GABRB2: variants seen among roughly 807,000 people sequenced by gnomAD.
GABRB2 encodes gamma-aminobutyric acid receptor subunit beta-2.
In GABRB2, 16 loss-of-function variants were observed where a neutral mutation model predicts 54.7. That is an observed-to-expected ratio of 0.29 (90% CI 0.20 to 0.44). The LOEUF (loss-of-function observed/expected upper bound fraction) is 0.44. Ranked by LOEUF, GABRB2 falls within the 20% of genes least tolerant of loss-of-function variation. The probability of loss-of-function intolerance (pLI) is 1.00; values close to 1 mark genes in which losing one functional copy is unlikely to be tolerated. For synonymous variants in GABRB2, 244 were observed against 233.8 expected, an observed-to-expected ratio of 1.04 and a Z score of -0.40; for missense variants, 355 against 644.0, an observed-to-expected ratio of 0.55 and a Z score of 4.86.
intron 3 of GABRB2, among the ~76,000 whole-genome samples, chr5:161,501,998 C>T (rs1011508414): frequency 6.8e-6 from 1 of 147,994 alleles, no homozygotes; most frequent in Non-Finnish European, 1.5e-5. Flanking sequence ...ATTATAATTA[C>T]TTCATGAATT....
At chr5:161,542,260 C>T (rs927119487) in intron 3 of GABRB2, among the ~76,000 whole-genome samples, 5 of 152,010 alleles carry the variant, frequency 3.3e-5, no homozygotes, top group Admixed American at 2.6e-4. Context: ...TGATAATTAC[C>T]AAAATGTGAC....
intron 5 of GABRB2, among the ~76,000 whole-genome samples, chr5:161,402,273 A>G (rs1402689032): frequency 6.6e-6 from 1 of 152,116 alleles, no homozygotes; most frequent in Non-Finnish European, 1.5e-5. Context: ...TGCAAATTAT[A>G]TTCTAAAGAA....
intron 9 of GABRB2, among the ~76,000 whole-genome samples, chr5:161,308,239 G>A (rs1757758816): frequency 6.6e-6 from 1 of 152,158 alleles, no homozygotes; most frequent in African/African-American, 2.4e-5. Context: ...TGTGACAATA[G>A]TTGAGACTGA....
At chr5:161,421,282 T>C (rs564871780) in intron 4 of GABRB2, among the ~76,000 whole-genome samples, 56 of 152,282 alleles carry the variant, frequency 3.7e-4, no homozygotes, top group African/African-American at 1.1e-3. Context: ...TGCTACATGA[T>C]GCAAGCTCCA....
chr5:161,421,867 A>G (rs1756864330), intron 4 of GABRB2, among the ~76,000 whole-genome samples: 1 of 152,238 alleles, frequency 6.6e-6, no homozygotes, highest in African/African-American at 2.4e-5. Context: ...AACATAAAAT[A>G]AAATAAATAT....
chr5:161,546,143 G>C (rs182239027), intron 2 of GABRB2, among the ~76,000 whole-genome samples, 179 bp downstream of exon 2: 8 of 152,334 alleles, frequency 5.3e-5, no homozygotes, highest in Non-Finnish European at 8.8e-5. Flanking sequence ...GAAAGACCAC[G>C]GAAGTGGTGG....
rs375367850 is a variant in GABRB2 at position 161,290,878 on chromosome 5, G to T, written c.*3203C>A. 6.6e-6 allele frequency: 1 copy of T among 152,508 alleles called. No individual in the cohort carries two copies. Among genetic ancestry groups the T allele is most frequent in the South Asian group, 2.1e-4 (1 of 4,828 alleles). The allele number at this position is 152,508 out of a possible 1,614,324, so 9.4% of individuals were successfully genotyped here. ...TGTGTTGTGCTTTTGTAAGCTGACA[G>T]ATTTTTTTGTGTGTGTTCCTAATGC... On this transcript the variant is annotated 3_prime_UTR_variant, in exon 10 of 10. Coordinates refer to ENST00000393959, the MANE Select transcript of GABRB2 (RefSeq NM_001371727.1).
chr5:161,465,016 C>T (rs1350269995), intron 3 of GABRB2, among the ~76,000 whole-genome samples: 2 of 151,938 alleles, frequency 1.3e-5, no homozygotes, highest in Non-Finnish European at 2.9e-5. Context: ...GAACTGTATA[C>T]CAAAGCGAGT....
intron 4 of GABRB2, among the ~76,000 whole-genome samples, chr5:161,412,892 T>C (rs1756561319): frequency 6.6e-6 from 1 of 152,176 alleles, no homozygotes; most frequent in African/African-American, 2.4e-5. Flanking sequence ...AATCTGAAAT[T>C]ATTTTGCTTA....
At chr5:161,479,000 C>T (rs980243701) in intron 3 of GABRB2, among the ~76,000 whole-genome samples, 1 of 152,038 alleles carries the variant, frequency 6.6e-6, no homozygotes, top group African/African-American at 2.4e-5. Flanking sequence ...CATATCCCTG[C>T]TTTCATGCTT....
intron 3 of GABRB2, among the ~76,000 whole-genome samples, chr5:161,505,824 T>A (rs890208864): frequency 6.6e-6 from 1 of 152,120 alleles, no homozygotes; most frequent in Non-Finnish European, 1.5e-5. Flanking sequence ...CTATAAAAAC[T>A]TTGTAAATAA....
intron 4 of GABRB2, among the ~76,000 whole-genome samples, chr5:161,413,312 G>T (rs2113121709): frequency 6.6e-6 from 1 of 151,892 alleles, no homozygotes; most frequent in Non-Finnish European, 1.5e-5. Flanking sequence ...GGTTGTAGAG[G>T]TTCTTTTTAT....
Position 161,303,483 on chromosome 5 carries a change from ATAAT to A in GABRB2, c.1192-9059_1192-9056del, listed in dbSNP as rs200161419. On this transcript the variant is annotated intron_variant, in intron 9 of 9. Transcript: ENST00000393959. ...TGTCATCTTCTACTTCTGACACAAA[ATAAT>A]TAATCTGATCAAGTGGGTAAATCAA... is the stretch of plus-strand genomic sequence containing the variant. 7.8e-3 allele frequency among the ~76,000 whole-genome samples: 1,190 copies of A among 152,274 alleles called. 14 individuals are homozygous for A. The highest frequency in any genetic ancestry group is 0.024 in the African/African-American group (1,004 of 41,548).
chr5:161,350,805 A>C (rs1461043586), intron 5 of GABRB2, among the ~76,000 whole-genome samples: 1 of 152,084 alleles, frequency 6.6e-6, no homozygotes, highest in Non-Finnish European at 1.5e-5. Context: ...TCCCATGCTC[A>C]ATGCTTCCTG....
intron 3 of GABRB2, among the ~76,000 whole-genome samples, chr5:161,490,433 G>A (rs551568923): frequency 6.6e-6 from 1 of 151,728 alleles, no homozygotes; most frequent in South Asian, 2.1e-4. Flanking sequence ...AAGTCACATA[G>A]GCACCTCCTA....
chr5:161,521,168 G>A (rs1439659252), intron 3 of GABRB2, among the ~76,000 whole-genome samples: 1 of 151,938 alleles, frequency 6.6e-6, no homozygotes, highest in East Asian at 1.9e-4. Flanking sequence ...AGTCCTAGCT[G>A]CCCCTTTAGG....
intron 4 of GABRB2, among the ~76,000 whole-genome samples, chr5:161,433,200 A>G (rs1446943983): frequency 6.6e-6 from 1 of 152,190 alleles, no homozygotes; most frequent in Non-Finnish European, 1.5e-5. Context: ...ACATGTATAT[A>G]TCTACAGATA....
At chr5:161,330,407 C>A (rs1753803527) in intron 8 of GABRB2, 1 of 153,768 alleles carries the variant, frequency 6.5e-6, no homozygotes, top group Admixed American at 6.4e-5. Context: ...ACTTGCTTAT[C>A]TTTCCTTTAA....
intron 5 of GABRB2, among the ~76,000 whole-genome samples, chr5:161,374,235 C>T (rs912811534): frequency 3.2e-4 from 49 of 152,256 alleles, no homozygotes; most frequent in African/African-American, 1.1e-3. Flanking sequence ...TGAGCCACCA[C>T]GCCTGGCCCC....
Sources: gnomAD v4.1 joint callset for allele counts (sites outside exome capture counted in the v4.1 genomes callset) on GRCh38, gnomAD v4.1.1 for gene constraint, MANE v1.5 for transcripts, NCBI Gene and HGNC (gene_info 2026-07-23, HGNC 2026-07-21) for gene names.